The following HIPK3 variants were observed in gnomAD, a reference collection of about 807,000 sequenced individuals.
HIPK3 encodes homeodomain-interacting protein kinase 3.
Under a neutral mutation model 124.2 loss-of-function variants are expected in HIPK3, and 47 were observed. The observed-to-expected ratio is 0.38, with a 90% CI of 0.30 to 0.48. The LOEUF (loss-of-function observed/expected upper bound fraction) is 0.48, where lower values mean the gene tolerates loss of function less well. Among genes scored for constraint, HIPK3 ranks in the 20% least tolerant of loss-of-function variants. HIPK3 has a pLI of 0.98. For synonymous variants in HIPK3, 482 were observed against 515.2 expected (o/e 0.94, Z 0.87); for missense variants, 1,286 against 1,454.3 (o/e 0.88, Z 1.88).
chr11:33,296,867 G>A (rs941556023), intron 2 of HIPK3, among the ~76,000 whole-genome samples: 6 of 152,168 alleles, frequency 3.9e-5, no homozygotes, highest in African/African-American at 1.2e-4. Context: ...TGTTCTAAGA[G>A]AAAGGAAGAT....
chr11:33,343,375 G>T (rs1015894689), intron 8 of HIPK3, among the ~76,000 whole-genome samples: 4 of 151,616 alleles, frequency 2.6e-5, no homozygotes, highest in African/African-American at 9.7e-5. Flanking sequence ...CACCTCCTGA[G>T]TTCAGGTGAT....
chr11:33,283,584 C>A (rs1339035775), intron 1 of HIPK3, among the ~76,000 whole-genome samples: 5 of 151,958 alleles, frequency 3.3e-5, no homozygotes, highest in Admixed American at 2.0e-4. Flanking sequence ...CACCTTTTAT[C>A]TGAAAGGTGG....
intron 2 of HIPK3, among the ~76,000 whole-genome samples, chr11:33,314,484 C>T (rs1051785982): frequency 5.9e-5 from 9 of 152,070 alleles, no homozygotes; most frequent in African/African-American, 2.2e-4. Context: ...AAAAACCCGT[C>T]TCTACTAAAA....
chr11:33,270,325 G>GT (rs945032701), intron 1 of HIPK3, among the ~76,000 whole-genome samples: 4 of 151,364 alleles, frequency 2.6e-5, no homozygotes, highest in African/African-American at 9.7e-5. Context: ...TTTATTTATT[G>GT]TTTTTTTGAG....
At chr11:33,271,482 C>G (rs1445415542) in intron 1 of HIPK3, among the ~76,000 whole-genome samples, 1 of 152,198 alleles carries the variant, frequency 6.6e-6, no homozygotes, top group Non-Finnish European at 1.5e-5. Context: ...GAAAGGATCA[C>G]TTGAGCCCTG....
rs377353909 is a variant in HIPK3 at position 33,297,216 on chromosome 11, C to A, written c.1097+9705C>A. ...TGGATCAATTCTCCTGCCTCAGCCT[C>A]CCGAGTAGCTGGGATTACAGGTGCA... On this transcript the variant is annotated intron_variant, in intron 2 of 16. Coordinates refer to ENST00000303296, the MANE Select transcript of HIPK3 (RefSeq NM_005734.5). 1.3e-5 allele frequency among the ~76,000 whole-genome samples: 2 copies of A among 151,870 alleles called. 1 individual carries two copies. Among genetic ancestry groups the A allele is most frequent in the Middle Eastern group, 6.8e-3 (2 of 294 alleles).
chr11:33,294,866 CT>C (rs1368518316), intron 2 of HIPK3, among the ~76,000 whole-genome samples: 1 of 152,142 alleles, frequency 6.6e-6, no homozygotes, highest in Admixed American at 6.5e-5. Context: ...ACTAATGGAC[CT>C]TTTTTTCTCG....
chr11:33,278,906 A>C (rs906786053), intron 1 of HIPK3, among the ~76,000 whole-genome samples: 1 of 152,236 alleles, frequency 6.6e-6, no homozygotes, highest in East Asian at 1.9e-4. Context: ...GCAATTTTTA[A>C]AAAGGAAAAG....
intron 9 of HIPK3, 89 bp downstream of exon 9, chr11:33,347,503 T>A: frequency 6.3e-7 from 1 of 1,587,928 alleles, no homozygotes; most frequent in Non-Finnish European, 8.6e-7. Context: ...ATCCATTTTG[T>A]AGGTTATGGA....
intron 6 of HIPK3, among the ~76,000 whole-genome samples, 155 bp downstream of exon 6, chr11:33,339,689 T>C (rs1267240099): frequency 2.0e-5 from 3 of 152,200 alleles, no homozygotes; most frequent in African/African-American, 4.8e-5. Context: ...CACCAGTAAG[T>C]GTCAGGGAAC....
chr11:33,321,433 C>G (rs968375421), intron 2 of HIPK3, among the ~76,000 whole-genome samples: 30 of 151,964 alleles, frequency 2.0e-4, no homozygotes, highest in African/African-American at 7.3e-4. Flanking sequence ...TTTATTTTTC[C>G]AAGATGGAGA....
At chr11:33,283,193 C>T (rs1565061869) in intron 1 of HIPK3, among the ~76,000 whole-genome samples, 1 of 151,960 alleles carries the variant, frequency 6.6e-6, no homozygotes, top group African/African-American at 2.4e-5. Context: ...TCACTGCAAC[C>T]TCTACCTCCC....
intron 1 of HIPK3, among the ~76,000 whole-genome samples, chr11:33,259,578 A>C (rs2133857335): frequency 6.6e-6 from 1 of 152,338 alleles, no homozygotes; most frequent in Non-Finnish European, 1.5e-5. Flanking sequence ...AGTCAATGAA[A>C]TATTTCTTGG....
intron 2 of HIPK3, among the ~76,000 whole-genome samples, chr11:33,321,968 A>G (rs1852675314): frequency 6.6e-6 from 1 of 151,904 alleles, no homozygotes; most frequent in African/African-American, 2.4e-5. Flanking sequence ...GTCTTCCCAG[A>G]GCTTTTCTTC....
intron 2 of HIPK3, among the ~76,000 whole-genome samples, chr11:33,300,499 G>C (rs1851968948): frequency 6.6e-6 from 1 of 152,174 alleles, no homozygotes; most frequent in Non-Finnish European, 1.5e-5. Flanking sequence ...GCATTTTTTA[G>C]CTATCAAGTA....
At chr11:33,270,983 T>G (rs548866306) in intron 1 of HIPK3, among the ~76,000 whole-genome samples, 15 of 152,334 alleles carry the variant, frequency 9.8e-5, no homozygotes, top group African/African-American at 3.4e-4. Context: ...TATACTGAAA[T>G]TTAACCTCTT....
chr11:33,258,153 CG>C (rs1341019676), intron 1 of HIPK3, among the ~76,000 whole-genome samples: 1 of 152,064 alleles, frequency 6.6e-6, no homozygotes. Flanking sequence ...CCGCCGGACG[CG>C]GGGGCCGTAG....
chr11:33,315,606 G>A (rs924538835), intron 2 of HIPK3, among the ~76,000 whole-genome samples: 1 of 152,048 alleles, frequency 6.6e-6, no homozygotes, highest in African/African-American at 2.4e-5. Context: ...CAAGCTGTCT[G>A]CCTGCCTTGG....
At position 33,355,812 on chromosome 11, in the gene HIPK3, A is replaced by C. The variant is rs1041187663; in HGVS notation, c.*2244A>C. On this transcript the variant is annotated 3_prime_UTR_variant, in exon 17 of 17. Transcript: ENST00000303296. ...TTCAGTGTTTTTAGTAATTAATTCT[A>C]TGCATTTTATACAAATAGAAATATA... 6.6e-6 allele frequency: 1 copy of C among 151,840 alleles called. No individual in the cohort carries two copies. The highest frequency in any genetic ancestry group is 1.5e-5 in the Non-Finnish European group (1 of 67,848). 9.4% of individuals were successfully genotyped at this position (151,840 alleles called of 1,614,324 possible).
Sources: allele counts gnomAD v4.1 joint callset (sites outside exome capture counted in the v4.1 genomes callset), GRCh38; gene constraint gnomAD v4.1.1; transcripts MANE v1.5; gene names NCBI Gene and HGNC (gene_info 2026-07-23, HGNC 2026-07-21).